UIMC1: variants seen among roughly 807,000 people sequenced by gnomAD.
UIMC1 encodes the protein BRCA1-A complex subunit RAP80.
A neutral mutation model predicts 84.9 loss-of-function variants in UIMC1; 42 were observed. The observed-to-expected ratio is 0.49, with a 90% CI of 0.39 to 0.64. The LOEUF is 0.64. UIMC1 is among the 30% of genes least tolerant of loss of function. The probability of loss-of-function intolerance (pLI) is 0.00; values close to 1 mark genes in which losing one functional copy is unlikely to be tolerated. For synonymous variants in UIMC1, 281 were observed against 293.0 expected, an observed-to-expected ratio of 0.96 and a Z score of 0.42; for missense variants, 825 against 847.6, an observed-to-expected ratio of 0.97 and a Z score of 0.33.
intron 10 of UIMC1, among the ~76,000 whole-genome samples, chr5:176,935,382 T>C (rs1296380113): frequency 6.6e-6 from 1 of 152,230 alleles, no homozygotes; most frequent in African/African-American, 2.4e-5. Context: ...ACAGTATTTT[T>C]ATTTGTATGT....
At chr5:176,925,616 A>G (rs1344021397) in intron 10 of UIMC1, among the ~76,000 whole-genome samples, 2 of 152,216 alleles carry the variant, frequency 1.3e-5, no homozygotes, top group Non-Finnish European at 2.9e-5. Flanking sequence ...TCAGTAATAA[A>G]AAGGAATATA....
At position 176,905,467 on chromosome 5, in the gene UIMC1, C is replaced by A; in HGVS notation, c.1975G>T (p.Ala659Ser). 6.2e-7 allele frequency: 1 copy of A among 1,614,000 alleles called. No homozygotes were observed. The highest frequency in any genetic ancestry group is 8.5e-7 in the Non-Finnish European group (1 of 1,179,982). Residue 659 changes from alanine (A) to serine (S), a missense_variant, in exon 15 of 15, where the codon GCA (alanine) becomes TCA (serine). Physicochemically the swap from Ala to Ser is moderately conservative, Grantham distance 99. Coordinates refer to ENST00000511320, the MANE Select transcript of UIMC1 (RefSeq NM_001199298.2). ...CTCTGCATCTCTCTGCTGCAGCCTGCCTCTTCCATCCCTGGTGAAGGCACC... is the reference window on the plus strand; with the variant it reads ...CTCTGCATCTCTCTGCTGCAGCCTGACTCTTCCATCCCTGGTGAAGGCACC... ...FRVPSPGMEE[A>S]GCSREMQSSF...
intron 10 of UIMC1, among the ~76,000 whole-genome samples, chr5:176,936,443 A>G (rs1019967910): frequency 6.6e-6 from 1 of 152,236 alleles, no homozygotes; most frequent in Non-Finnish European, 1.5e-5. Context: ...CTTGTCCCAC[A>G]ACCCAGTAAT....
At chr5:176,923,442 T>G (rs1761946328) in intron 10 of UIMC1, among the ~76,000 whole-genome samples, 2 of 151,766 alleles carry the variant, frequency 1.3e-5, no homozygotes, top group Admixed American at 6.6e-5. Flanking sequence ...CCCAGCTACT[T>G]GGAAGGCTGA....
At chr5:176,965,207 G>A (rs111335865) in intron 6 of UIMC1, among the ~76,000 whole-genome samples, 8,396 of 152,120 alleles carry the variant, frequency 0.055, 354 homozygotes, top group Middle Eastern at 0.12. Flanking sequence ...GGATCACGAG[G>A]TCAGGAGATC....
chr5:177,003,526 G>A (rs1235536590), intron 1 of UIMC1, among the ~76,000 whole-genome samples: 3 of 152,072 alleles, frequency 2.0e-5, no homozygotes, highest in Admixed American at 1.3e-4. Flanking sequence ...GGTGGTGCGC[G>A]CCTGTGATCC....
At chr5:176,941,374 C>G (rs1308048438) in intron 10 of UIMC1, among the ~76,000 whole-genome samples, 1 of 151,970 alleles carries the variant, frequency 6.6e-6, no homozygotes, top group African/African-American at 2.4e-5. Context: ...TAGCATGGTC[C>G]CGTTTATGTA....
chr5:177,022,425 G>C (rs762354834), intron 1 of UIMC1: 4 of 323,384 alleles, frequency 1.2e-5, no homozygotes, highest in Middle Eastern at 8.7e-4. Flanking sequence ...CCCACATAAC[G>C]GGACCTTGAG....
chr5:176,978,399 A>G (rs943154346), intron 2 of UIMC1, among the ~76,000 whole-genome samples: 1 of 152,158 alleles, frequency 6.6e-6, no homozygotes, highest in Non-Finnish European at 1.5e-5. Context: ...AATAAAATAA[A>G]AATCATTTGG....
chr5:177,020,672 C>A (rs575622783), intron 1 of UIMC1, among the ~76,000 whole-genome samples: 1 of 152,270 alleles, frequency 6.6e-6, no homozygotes, highest in South Asian at 2.1e-4. Flanking sequence ...ACCTCGTGAT[C>A]CACCTGCCTC....
Position 176,905,224 on chromosome 5 carries a change from A to C in UIMC1, c.*58T>G. On this transcript the variant is annotated 3_prime_UTR_variant, in exon 15 of 15. Coordinates refer to ENST00000511320, the MANE Select transcript of UIMC1 (RefSeq NM_001199298.2). ...AATGAACTAGGGACCACTATGGCTT[A>C]ATGAACATGGCCCACCCCTCCTACT... The C allele has an allele frequency of 6.3e-7, 1 of 1,577,976 alleles. No homozygotes were observed. Among genetic ancestry groups the C allele is most frequent in the Non-Finnish European group, 8.7e-7 (1 of 1,155,586 alleles).
chr5:176,977,667 T>G (rs978695547), intron 2 of UIMC1, among the ~76,000 whole-genome samples: 1 of 150,992 alleles, frequency 6.6e-6, no homozygotes, highest in Non-Finnish European at 1.5e-5. Flanking sequence ...TCCAGCACTT[T>G]AGGAGGCCAA....
At chr5:176,968,087 T>C (rs562657738) in intron 6 of UIMC1, among the ~76,000 whole-genome samples, 10 of 152,264 alleles carry the variant, frequency 6.6e-5, no homozygotes, top group Non-Finnish European at 1.3e-4. Flanking sequence ...ATAGAAATGA[T>C]GACTGGCCAG....
chr5:176,941,060 T>C (rs1463055627), intron 10 of UIMC1, among the ~76,000 whole-genome samples: 1 of 152,176 alleles, frequency 6.6e-6, no homozygotes, highest in Non-Finnish European at 1.5e-5. Context: ...ACAGCGACAA[T>C]TTTAGGCTAA....
intron 10 of UIMC1, chr5:176,919,190 G>C (rs1285657406): frequency 2.5e-6 from 1 of 400,706 alleles, no homozygotes; most frequent in Non-Finnish European, 4.9e-6. Flanking sequence ...GAGGTGGGAG[G>C]ATTGCTTGAG....
chr5:176,933,092 G>A (rs531758031), intron 10 of UIMC1, among the ~76,000 whole-genome samples: 1 of 152,216 alleles, frequency 6.6e-6, no homozygotes, highest in East Asian at 1.9e-4. Flanking sequence ...GGGGGCTGCT[G>A]GCCCAGGCTG....
chr5:176,956,567 A>T (rs755385892), intron 7 of UIMC1, among the ~76,000 whole-genome samples: 2 of 152,136 alleles, frequency 1.3e-5, no homozygotes, highest in Non-Finnish European at 2.9e-5. Flanking sequence ...TGCCCACATA[A>T]ATTGAATCTC....
intron 1 of UIMC1, among the ~76,000 whole-genome samples, chr5:177,018,273 C>G (rs1196254795): frequency 1.3e-5 from 2 of 151,224 alleles, no homozygotes; most frequent in Admixed American, 1.3e-4. Flanking sequence ...TTGTTTGAAC[C>G]TGGGAGGCGG....
At chr5:176,985,587 A>AT (rs1771859950) in intron 1 of UIMC1, among the ~76,000 whole-genome samples, 2 of 151,980 alleles carry the variant, frequency 1.3e-5, no homozygotes, top group Admixed American at 6.6e-5. Context: ...TCTTGACTAC[A>AT]TATTATAATT....
Sources: allele counts gnomAD v4.1 joint callset (sites outside exome capture counted in the v4.1 genomes callset), GRCh38; gene constraint gnomAD v4.1.1; transcripts MANE v1.5; gene names NCBI Gene and HGNC (gene_info 2026-07-23, HGNC 2026-07-21).